The following ZC3H3 variants were observed in gnomAD, a reference collection of about 807,000 sequenced individuals.
ZC3H3 encodes zinc finger CCCH-type containing 3.
ZC3H3 carries 36 observed loss-of-function variants against 77.3 expected under a neutral mutation model. The observed-to-expected ratio is 0.47, with a 90% confidence interval of 0.36 to 0.61. The LOEUF (loss-of-function observed/expected upper bound fraction) is 0.61. Ranked by LOEUF, ZC3H3 falls within the 20% of genes least tolerant of loss-of-function variation. The probability of loss-of-function intolerance (pLI) is 0.00; values close to 1 mark genes in which losing one functional copy is unlikely to be tolerated. For missense variants in ZC3H3, 1,331 were observed against 1,312.2 expected (o/e 1.01, Z -0.22); for synonymous variants, 626 against 555.2 (o/e 1.13, Z -1.79).
At chr8:143,455,054 A>G (rs396083) in intron 9 of ZC3H3, among the ~76,000 whole-genome samples, 152,021 of 152,224 alleles carry the variant, frequency 1, 75,909 homozygotes, top group East Asian at 1. Flanking sequence ...GGTGGCTTAC[A>G]CCTATAATCC....
Position 143,533,617 on chromosome 8 carries a change from G to A in ZC3H3, c.1561+2640C>T, listed in dbSNP as rs1822692182. ...TGGGCCAGTGGTGGGCAAGTGAGTG[G>A]GACGCCTTCCCCACCCCTTCCTCAG... On this transcript the variant is annotated intron_variant, in intron 3 of 11. Coordinates refer to ENST00000262577, the MANE Select transcript of ZC3H3 (RefSeq NM_015117.3). This position sits in a 1 kb window ranked among gnomAD's most constrained non-coding sequence, Gnocchi z 4.0. Among the ~76,000 whole-genome samples, 1 of 151,962 alleles carries A rather than the reference G, an allele frequency of 6.6e-6. No individual in the cohort carries two copies. The highest frequency in any genetic ancestry group is 1.5e-5 in the Non-Finnish European group (1 of 68,014).
At position 143,457,536 on chromosome 8, in the gene ZC3H3, A is replaced by G. The variant is rs566264043; in HGVS notation, c.2307+8181T>C. On this transcript the variant is annotated intron_variant, in intron 9 of 11. Transcript: ENST00000262577. ...TCTTAAGCTCAGGAGTTTGAGACCA[A>G]CCTGGGCAACATAGCGAGACCTCAT... Among the ~76,000 whole-genome samples, 3 of 151,024 alleles carry G rather than the reference A, an allele frequency of 2.0e-5. No individual in the cohort carries two copies. In the South Asian group the frequency reaches 6.3e-4, roughly 32 times the overall value.
intron 9 of ZC3H3, among the ~76,000 whole-genome samples, chr8:143,444,772 G>C (rs1319672960): frequency 6.6e-6 from 1 of 152,188 alleles, no homozygotes; most frequent in Admixed American, 6.5e-5. Context: ...ACATGTCAAG[G>C]GGAAAGTTTG....
intron 4 of ZC3H3, among the ~76,000 whole-genome samples, chr8:143,500,818 A>ATT (rs34018737): frequency 0.23 from 33,144 of 141,038 alleles, 4,192 homozygotes; most frequent in Non-Finnish European, 0.26. Flanking sequence ...CACAATGTCT[A>ATT]TTTTTTTTTT....
rs767355483 is a variant in ZC3H3, at chr8:143,440,343, C to T, written c.2513G>A (p.Arg838His). Residue 838 changes from arginine (R) to histidine (H), a missense_variant, in exon 11 of 12, where the codon CGC becomes CAC. Arg to His is a conservative substitution (Grantham distance 29). Transcript: ENST00000262577. ...CGAGCTGGGCGTCTGCCTGGTGGGGCGCTGGGATGCTGAAGGCTTCCTGCA... is the reference window on the plus strand; with the variant it reads ...CGAGCTGGGCGTCTGCCTGGTGGGGTGCTGGGATGCTGAAGGCTTCCTGCA... The part of the protein sequence containing the change: ...HGPRKPSASQ[R>H]PTRQTPSSAA... 31 of 1,528,530 alleles carry T rather than the reference C, an allele frequency of 2.0e-5. No individual in the cohort carries two copies. Among genetic ancestry groups the T allele is most frequent in the Admixed American group, 2.0e-5 (1 of 49,864 alleles). The allele number at this position is 1,528,530 out of a possible 1,614,324, so 94.7% of individuals were successfully genotyped here. A position where few individuals can be genotyped will look rare whatever the true frequency, so the allele number is the denominator to read the frequency against.
At chr8:143,522,928 A>G (rs1346025110) in intron 3 of ZC3H3, among the ~76,000 whole-genome samples, 1 of 151,794 alleles carries the variant, frequency 6.6e-6, no homozygotes, top group Admixed American at 6.6e-5. Context: ...TCAAAAAAAT[A>G]TATATATATA....
intron 8 of ZC3H3, among the ~76,000 whole-genome samples, 182 bp downstream of exon 8, chr8:143,468,027 G>A (rs1234005225): frequency 6.6e-6 from 1 of 152,208 alleles, no homozygotes; most frequent in Non-Finnish European, 1.5e-5. Context: ...CCGGGGAAGA[G>A]GAAGCCCAGC....
chr8:143,514,081 G>A (rs944942913), intron 3 of ZC3H3, among the ~76,000 whole-genome samples: 1 of 152,180 alleles, frequency 6.6e-6, no homozygotes, highest in Non-Finnish European at 1.5e-5. Context: ...CACACGCTAG[G>A]TCCTGAAGGT....
chr8:143,516,916 G>A (rs1822073964), intron 3 of ZC3H3, among the ~76,000 whole-genome samples: 1 of 152,242 alleles, frequency 6.6e-6, no homozygotes, highest in Non-Finnish European at 1.5e-5. Flanking sequence ...AGTCTGAGGA[G>A]TTTGGGCAGC....
intron 4 of ZC3H3, among the ~76,000 whole-genome samples, chr8:143,497,353 C>A (rs744780): frequency 1.3e-5 from 2 of 152,040 alleles, no homozygotes; most frequent in East Asian, 1.9e-4. Flanking sequence ...CCAATCCCCC[C>A]CAACCCCGCC....
intron 10 of ZC3H3, 84 bp from the exon 11 acceptor site, chr8:143,440,447 T>TCCTGCTC: frequency 6.8e-7 from 1 of 1,463,062 alleles, no homozygotes; most frequent in East Asian, 2.3e-5. Flanking sequence ...CTTGGCTGCT[T>TCCTGCTC]CCTGCTCCCG....
chr8:143,529,229 C>T (rs549054351), intron 3 of ZC3H3, among the ~76,000 whole-genome samples: 5 of 152,092 alleles, frequency 3.3e-5, no homozygotes, highest in South Asian at 2.1e-4. Context: ...CCACAGGCTG[C>T]GCTGGTCACC....
chr8:143,517,109 C>A (rs915264877), intron 3 of ZC3H3, among the ~76,000 whole-genome samples: 1 of 152,236 alleles, frequency 6.6e-6, no homozygotes, highest in Non-Finnish European at 1.5e-5. Flanking sequence ...CCCTACTCTT[C>A]TTAAAGTCAC....
In ZC3H3 at chr8:143,536,411, G is replaced by A. The variant is rs373811423; in HGVS notation, c.1407C>T (p.Thr469=). Reference sequence around the variant, plus strand: ...GCCGGAGGCTGAGGTGGCTCTTGGCGGTGGCGGCAGGTGAGGTGCCGCTTT... The same window carrying A: ...GCCGGAGGCTGAGGTGGCTCTTGGCAGTGGCGGCAGGTGAGGTGCCGCTTT... ...DKKSGTSPAA[T]AKSHLSLRRR... is the part of the protein sequence containing the mutation. The change falls in exon 3 of 12, where the codon ACC becomes ACT. Residue 469 remains threonine (T), a synonymous_variant. Coordinates refer to ENST00000262577, the MANE Select transcript of ZC3H3 (RefSeq NM_015117.3). The A allele has an allele frequency of 7.4e-5, 115 of 1,551,694 alleles. No individual in the cohort carries two copies. The highest frequency in any genetic ancestry group is 6.4e-4 in the South Asian group (54 of 84,980).
chr8:143,528,900 C>G (rs1399579551), intron 3 of ZC3H3, among the ~76,000 whole-genome samples: 2 of 152,234 alleles, frequency 1.3e-5, no homozygotes, highest in Non-Finnish European at 2.9e-5. Flanking sequence ...CGCAGGGCGG[C>G]CAGGGTGCTC....
At chr8:143,444,627 C>A (rs1819822026) in intron 9 of ZC3H3, among the ~76,000 whole-genome samples, 1 of 152,144 alleles carries the variant, frequency 6.6e-6, no homozygotes, top group Admixed American at 6.5e-5. Context: ...ATATGATCAC[C>A]TCACAGATAT....
intron 4 of ZC3H3, among the ~76,000 whole-genome samples, chr8:143,500,629 A>C (rs9886386): frequency 6.6e-6 from 1 of 151,978 alleles, no homozygotes; most frequent in African/African-American, 2.4e-5. Flanking sequence ...TGCCGGCACC[A>C]GGTGAGGGTT....
At chr8:143,513,040 G>C (rs1453951464) in intron 3 of ZC3H3, among the ~76,000 whole-genome samples, 3 of 151,996 alleles carry the variant, frequency 2.0e-5, no homozygotes, top group African/African-American at 7.2e-5. Flanking sequence ...TGGGCAGGGG[G>C]TGCCCAGGCG....
At chr8:143,465,895 G>C in intron 8 of ZC3H3, 47 bp from the exon 9 acceptor site, 1 of 1,588,000 alleles carries the variant, frequency 6.3e-7, no homozygotes, top group Non-Finnish European at 8.5e-7. Context: ...CCACCCTCCA[G>C]GGCCCAGAGA....
Sources: gnomAD v4.1 joint callset for allele counts (sites outside exome capture counted in the v4.1 genomes callset) on GRCh38, gnomAD v4.1.1 for gene constraint, Gnocchi (gnomAD v3.1) non-coding constraint, MANE v1.5 for transcripts, NCBI Gene and HGNC (gene_info 2026-07-23, HGNC 2026-07-21) for gene names.